MYRIP: variants seen among roughly 807,000 people sequenced by gnomAD.
MYRIP encodes the protein myosin VIIA and Rab interacting protein, also known as rab effector MyRIP.
In MYRIP, 49 loss-of-function variants were observed where a neutral mutation model predicts 98.0. The observed-to-expected ratio is 0.50, with a 90% CI of 0.40 to 0.63. The LOEUF is 0.63. Ranked by LOEUF, MYRIP falls within the 30% of genes least tolerant of loss-of-function variation. The pLI is 0.00. For missense variants in MYRIP, 1,004 were observed against 1,058.2 expected (o/e 0.95, Z 0.71); for synonymous variants, 404 against 409.5 (o/e 0.99, Z 0.16).
At chr3:40,220,295 C>T (rs1315389767) in intron 11 of MYRIP, among the ~76,000 whole-genome samples, 1 of 152,116 alleles carries the variant, frequency 6.6e-6, no homozygotes, top group Non-Finnish European at 1.5e-5. Context: ...TGCCTGTTCA[C>T]TCTGATGGTA....
chr3:39,970,662 A>G (rs1331217907), intron 2 of MYRIP, among the ~76,000 whole-genome samples: 1 of 152,092 alleles, frequency 6.6e-6, no homozygotes, highest in African/African-American at 2.4e-5. Flanking sequence ...AATGGCCAAA[A>G]TATTTGAGAT....
chr3:40,056,779 C>T (rs1392319072), intron 3 of MYRIP, among the ~76,000 whole-genome samples: 1 of 55,124 alleles, frequency 1.8e-5, no homozygotes, highest in Non-Finnish European at 3.5e-5. Flanking sequence ...ACTTAAAAAT[C>T]CATAGCGCAT....
intron 2 of MYRIP, among the ~76,000 whole-genome samples, chr3:39,964,468 C>A (rs907489169): frequency 6.6e-6 from 1 of 152,134 alleles, no homozygotes; most frequent in Non-Finnish European, 1.5e-5. Flanking sequence ...TCTCTAAGAG[C>A]CTTCTCTATT....
chr3:40,257,816 A>G (rs1174537225), intron 16 of MYRIP, among the ~76,000 whole-genome samples: 1 of 152,256 alleles, frequency 6.6e-6, no homozygotes. Flanking sequence ...TATTATCTTT[A>G]TAAAAGATTT....
chr3:40,007,014 A>G (rs1031583110), intron 2 of MYRIP, among the ~76,000 whole-genome samples: 1 of 152,162 alleles, frequency 6.6e-6, no homozygotes. Context: ...GTTCACTACC[A>G]TGCCCAGCTA....
chr3:40,054,730 A>T (rs1947850177), intron 3 of MYRIP, among the ~76,000 whole-genome samples: 1 of 152,144 alleles, frequency 6.6e-6, no homozygotes, highest in Admixed American at 6.5e-5. Flanking sequence ...GCTGGCCTCC[A>T]CAATCTCATA....
At chr3:40,035,921 G>A (rs1360192835) in intron 2 of MYRIP, among the ~76,000 whole-genome samples, 4 of 151,768 alleles carry the variant, frequency 2.6e-5, no homozygotes, top group Non-Finnish European at 5.9e-5. Context: ...GATGAACAAA[G>A]AATTATTAAA....
intron 4 of MYRIP, among the ~76,000 whole-genome samples, chr3:40,154,703 C>A (rs947316748): frequency 2.0e-5 from 3 of 152,144 alleles, no homozygotes; most frequent in Admixed American, 6.5e-5. Flanking sequence ...TGTTCACCCT[C>A]CCCCTGCCTT....
At chr3:39,980,701 T>C (rs1420462139) in intron 2 of MYRIP, among the ~76,000 whole-genome samples, 1 of 152,226 alleles carries the variant, frequency 6.6e-6, no homozygotes, top group African/African-American at 2.4e-5. Context: ...CCTGGCTGGA[T>C]TTTCAGTTAC....
chr3:40,080,356 G>T (rs1453145741), intron 3 of MYRIP, among the ~76,000 whole-genome samples: 2 of 152,152 alleles, frequency 1.3e-5, no homozygotes, highest in African/African-American at 4.8e-5. Flanking sequence ...AGGTGAGATT[G>T]ACCTATAATT....
intron 4 of MYRIP, among the ~76,000 whole-genome samples, chr3:40,152,452 A>T (rs1327577399): frequency 6.6e-6 from 1 of 152,232 alleles, no homozygotes; most frequent in Non-Finnish European, 1.5e-5. Context: ...AGAATAGAGC[A>T]GAATTTTTAT....
intron 2 of MYRIP, among the ~76,000 whole-genome samples, chr3:39,968,322 G>T (rs1945492503): frequency 6.6e-6 from 1 of 151,876 alleles, no homozygotes; most frequent in Non-Finnish European, 1.5e-5. Context: ...ACAGGCACGT[G>T]CCACCATACC....
At chr3:40,130,232 G>T (rs550771745) in intron 3 of MYRIP, among the ~76,000 whole-genome samples, 16 of 152,270 alleles carry the variant, frequency 1.1e-4, no homozygotes, top group African/African-American at 3.6e-4. Flanking sequence ...TTCTAGTTCA[G>T]TCAGTGACAT....
chr3:40,223,255 G>GAATA (rs10663106), intron 11 of MYRIP, among the ~76,000 whole-genome samples: 143,673 of 152,020 alleles, frequency 0.95, 68,052 homozygotes, highest in Middle Eastern at 0.98. Context: ...CCATCTGATA[G>GAATA]AATAGTCAAA....
intron 3 of MYRIP, among the ~76,000 whole-genome samples, chr3:40,125,477 C>A (rs931919651): frequency 5.3e-5 from 8 of 152,186 alleles, no homozygotes; most frequent in Non-Finnish European, 1.2e-4. Flanking sequence ...ATTGTGCCCA[C>A]CAGATTAAGG....
At chr3:40,109,089 G>A (rs970445452) in intron 3 of MYRIP, among the ~76,000 whole-genome samples, 1 of 152,044 alleles carries the variant, frequency 6.6e-6, no homozygotes, top group African/African-American at 2.4e-5. Flanking sequence ...ACACAATAAA[G>A]GTTATTACCC....
intron 8 of MYRIP, chr3:40,174,227 AC>A: frequency 6.6e-6 from 1 of 152,326 alleles, no homozygotes; most frequent in South Asian, 2.1e-4. Context: ...CAGGCACCTT[AC>A]AGGAGGAACA....
At chr3:40,066,020 A>G (rs1948119595) in intron 3 of MYRIP, among the ~76,000 whole-genome samples, 1 of 152,180 alleles carries the variant, frequency 6.6e-6, no homozygotes, top group East Asian at 1.9e-4. Context: ...CATGAACTCT[A>G]GGAAAAATAG....
chr3:39,851,641 C>T lies in MYRIP; in HGVS notation c.-31+41725C>T, dbSNP rs184942730. On this transcript the variant is annotated intron_variant, in intron 1 of 16. Transcript: ENST00000302541. ...TAATAGAAAATACAATCAAAGTTTA[C>T]AATACAGGGATAATTAGATCTCCCT... Among the ~76,000 whole-genome samples the T allele has an allele frequency of 2.9e-3, 436 of 152,312 alleles. 1 individual carries two copies. Among genetic ancestry groups the T allele is most frequent in the Middle Eastern group, 6.8e-3 (2 of 294 alleles).
Sources: gnomAD v4.1 joint callset for allele counts (sites outside exome capture counted in the v4.1 genomes callset) on GRCh38, gnomAD v4.1.1 for gene constraint, MANE v1.5 for transcripts, NCBI Gene and HGNC (gene_info 2026-07-23, HGNC 2026-07-21) for gene names.